The following ITFG2 variants were observed in gnomAD, a reference collection of about 807,000 sequenced individuals.
The protein encoded by ITFG2 is integrin alpha FG-GAP repeat containing 2.
Under a neutral mutation model 54.4 loss-of-function variants are expected in ITFG2, and 36 were observed. The observed-to-expected ratio is 0.66, with a 90% CI of 0.51 to 0.87. The LOEUF (loss-of-function observed/expected upper bound fraction) is 0.87, where lower values mean the gene tolerates loss of function less well. Ranked by LOEUF, ITFG2 falls within the 40% of genes least tolerant of loss-of-function variation. ITFG2 has a pLI of 0.00. For synonymous variants in ITFG2, 211 were observed against 225.4 expected (o/e 0.94, Z 0.57); for missense variants, 524 against 576.7 (o/e 0.91, Z 0.94).
chr12:2,815,968 G>A (rs570372811), intron 1 of ITFG2, among the ~76,000 whole-genome samples: 1 of 151,964 alleles, frequency 6.6e-6, no homozygotes, highest in African/African-American at 2.4e-5. Context: ...GAGCTCAAGT[G>A]ATCCTCCTTC....
chr12:2,821,628 G>A (rs764117956), intron 8 of ITFG2, 32 bp downstream of exon 8: 49 of 1,613,740 alleles, frequency 3.0e-5, no homozygotes, highest in Admixed American at 5.0e-5. Flanking sequence ...TGTGGGGGCT[G>A]TATGCCTGTA....
intron 11 of ITFG2, 69 bp from the exon 12 acceptor site, chr12:2,824,021 C>G (rs1330525976): frequency 2.5e-6 from 4 of 1,613,210 alleles, no homozygotes; most frequent in Non-Finnish European, 3.4e-6. Flanking sequence ...TGGGTGAGTC[C>G]CAGAAAAGCC....
chr12:2,854,941 G>A, intron 2 of ITFG2: 1 of 1,536,084 alleles, frequency 6.5e-7, no homozygotes, highest in African/African-American at 1.4e-5. Context: ...GGCATCGAGT[G>A]GGGGTGCTCT....
At chr12:2,834,916 C>T (rs144911940), upstream of ITFG2, 3 of 1,613,552 alleles carry the variant, frequency 1.9e-6, no homozygotes, top group Non-Finnish European at 2.5e-6. Context: ...CTGTCTCTGT[C>T]CCGTGCTGCA....
At chr12:2,837,740 G>A (rs1306346503) in intron 1 of ITFG2, among the ~76,000 whole-genome samples, 1 of 152,190 alleles carries the variant, frequency 6.6e-6, no homozygotes, top group Non-Finnish European at 1.5e-5. Context: ...GAGGTGGGAG[G>A]ATCACTTGAG....
At chr12:2,816,312 T>C (rs1458920513) in intron 1 of ITFG2, among the ~76,000 whole-genome samples, 2 of 148,444 alleles carry the variant, frequency 1.3e-5, no homozygotes, top group East Asian at 4.0e-4. Context: ...ATTATCGGCG[T>C]GAGTCACCGC....
At chr12:2,850,688 G>T (rs11062383) in intron 2 of ITFG2, among the ~76,000 whole-genome samples, 28 of 93,226 alleles carry the variant, frequency 3.0e-4, no homozygotes, top group Middle Eastern at 6.0e-3. Flanking sequence ...GTTTTGTTTT[G>T]TTGAGACAGA....
upstream of ITFG2, among the ~76,000 whole-genome samples, chr12:2,834,044 A>G (rs946899233): frequency 2.0e-5 from 3 of 152,124 alleles, no homozygotes; most frequent in Non-Finnish European, 2.9e-5. Flanking sequence ...CATTCCTCTG[A>G]GGCCAAAGCT....
At chr12:2,828,541 A>C (rs933968152), downstream of ITFG2, 3 of 790,728 alleles carry the variant, frequency 3.8e-6, no homozygotes, top group East Asian at 2.6e-5. Context: ...ACTGTCTTTA[A>C]AACTGGCTTT....
intron 3 of ITFG2, chr12:2,858,592 T>A (rs2098097303): frequency 6.4e-7 from 1 of 1,551,178 alleles, no homozygotes; most frequent in Non-Finnish European, 8.8e-7. Context: ...AGCCTTGGAG[T>A]GCCCGGGATG....
In ITFG2 at chr12:2,847,433, C is replaced by T. The variant is rs143965840; in HGVS notation, n.300+6438C>T. Among the ~76,000 whole-genome samples the T allele has an allele frequency of 1.3e-3, 195 of 152,002 alleles. 1 individual carries two copies. The highest frequency in any genetic ancestry group is 3.1e-3 in the Admixed American group (48 of 15,270). On this transcript the variant is annotated intron_variant and non_coding_transcript_variant, in intron 2 of 3. Coordinates refer to the ITFG2 transcript ENST00000537710. ...CAGTAATTCCAGCACTTTGGGAGGC[C>T]GAGGTGGGCGGATCACAAGGTCAGG...
At chr12:2,855,271 T>A (rs1326763668) in intron 2 of ITFG2, 1 of 1,514,862 alleles carries the variant, frequency 6.6e-7, no homozygotes, top group African/African-American at 1.4e-5. Flanking sequence ...CTTCCAAGGG[T>A]GGATGAGCCG....
At chr12:2,841,772 G>T (rs546155694) in intron 2 of ITFG2, among the ~76,000 whole-genome samples, 1 of 151,866 alleles carries the variant, frequency 6.6e-6, no homozygotes, top group East Asian at 1.9e-4. Context: ...AGGCTGGAGT[G>T]CAGTGGCATG....
chr12:2,858,849 G>T, intron 3 of ITFG2: 1 of 1,614,152 alleles, frequency 6.2e-7, no homozygotes, highest in Non-Finnish European at 8.5e-7. Flanking sequence ...TATATCTGAG[G>T]GAGAAGAGTT....
chr12:2,825,206 TC>T (rs1220775326), downstream of ITFG2: 1 of 152,232 alleles, frequency 6.6e-6, no homozygotes, highest in African/African-American at 2.4e-5. Flanking sequence ...GCTTTCAAAT[TC>T]CTCTCAATTA....
intron 2 of ITFG2, 95 bp downstream of exon 2, chr12:2,817,413 G>A (rs1333284262): frequency 5.0e-6 from 4 of 803,974 alleles, no homozygotes; most frequent in Non-Finnish European, 8.1e-6. Flanking sequence ...TCACCCATGT[G>A]TCCTGACTCC....
At position 2,818,193 on chromosome 12, in the gene ITFG2, G is replaced by A. The variant is rs772993429; in HGVS notation, c.322G>A (p.Glu108Lys). ...AKVLDASGHH[E>K]TLIGEEQRPV... ...GGTGTTGGATGCTTCTGGGCACCAC[G>A]AGACACTAATCGGAGAGGAGCAGCG... The change falls in exon 4 of 12, where the codon GAG becomes AAG. Residue 108 changes from glutamate to lysine, a missense_variant. Glu to Lys is a moderately conservative substitution (Grantham distance 56, BLOSUM62 1). Coordinates refer to ENST00000228799, the MANE Select transcript of ITFG2 (RefSeq NM_018463.4). 9 of 1,614,136 alleles carry A rather than the reference G, an allele frequency of 5.6e-6. No homozygotes were observed. The highest frequency in any genetic ancestry group is 7.6e-6 in the Non-Finnish European group (9 of 1,180,036).
upstream of ITFG2, among the ~76,000 whole-genome samples, chr12:2,835,730 G>C (rs3814247): frequency 0.16 from 24,662 of 152,146 alleles, 2,187 homozygotes; most frequent in South Asian, 0.34. Context: ...CTCATCACCA[G>C]TTTAAAAAAT....
intron 2 of ITFG2, chr12:2,854,874 C>G: frequency 2.6e-6 from 4 of 1,516,334 alleles, no homozygotes; most frequent in Non-Finnish European, 3.5e-6. Context: ...TGGGTGGGCT[C>G]CCTGAGGAGG....
Sources: allele counts gnomAD v4.1 joint callset (sites outside exome capture counted in the v4.1 genomes callset), GRCh38; gene constraint gnomAD v4.1.1; transcripts MANE v1.5; gene names NCBI Gene and HGNC (gene_info 2026-07-23, HGNC 2026-07-21).